EZH2: variants seen among roughly 807,000 people sequenced by gnomAD.
The protein encoded by EZH2 is enhancer of zeste 2 polycomb repressive complex 2 subunit.
In EZH2, 18 loss-of-function variants were observed where a neutral mutation model predicts 98.4. That is an observed-to-expected ratio of 0.18 (90% CI 0.13 to 0.27). The LOEUF is 0.27. Among genes scored for constraint, EZH2 ranks in the 10% least tolerant of loss-of-function variants. EZH2 has a pLI of 1.00. For missense variants in EZH2, 470 were observed against 935.1 expected (o/e 0.50, Z 6.49); for synonymous variants, 338 against 312.3 (o/e 1.08, Z -0.87).
chr7:148,838,063 CTTTTT>C (rs35838307), intron 3 of EZH2, among the ~76,000 whole-genome samples: 1 of 100,512 alleles, frequency 9.9e-6, no homozygotes, highest in Non-Finnish European at 1.9e-5. Context: ...GTTTAGACTC[CTTTTT>C]TTTTTTTTTT....
intron 3 of EZH2, among the ~76,000 whole-genome samples, chr7:148,845,559 G>C (rs935494953): frequency 1.3e-5 from 2 of 152,160 alleles, no homozygotes; most frequent in Admixed American, 1.3e-4. Flanking sequence ...AGTCTTTGAA[G>C]CTCATATGTC....
intron 1 of EZH2, among the ~76,000 whole-genome samples, chr7:148,853,499 GAATCT>G (rs1199232108): frequency 6.6e-6 from 1 of 152,186 alleles, no homozygotes; most frequent in Non-Finnish European, 1.5e-5. Context: ...GCTTCCGTGA[GAATCT>G]AATGCTGCTG....
At chr7:148,829,398 G>A (rs1808673258) in intron 5 of EZH2, among the ~76,000 whole-genome samples, 1 of 152,146 alleles carries the variant, frequency 6.6e-6, no homozygotes, top group African/African-American at 2.4e-5. Flanking sequence ...CACAGAAGCA[G>A]AGCCCCAATC....
intron 15 of EZH2, among the ~76,000 whole-genome samples, chr7:148,812,209 C>G (rs1052541058): frequency 1.3e-5 from 2 of 152,138 alleles, no homozygotes; most frequent in African/African-American, 4.8e-5. Context: ...TTGGTTCCCT[C>G]TGAAGCCCAT....
chr7:148,871,276 A>C (rs1819337032), intron 1 of EZH2, among the ~76,000 whole-genome samples: 1 of 152,070 alleles, frequency 6.6e-6, no homozygotes, highest in African/African-American at 2.4e-5. Context: ...ATTATGGAAA[A>C]CAGTACTGAG....
At chr7:148,866,519 T>TATATACATATATATAC (rs1563063099) in intron 1 of EZH2, among the ~76,000 whole-genome samples, 48 of 70,540 alleles carry the variant, frequency 6.8e-4, no homozygotes, top group African/African-American at 1.6e-3. Flanking sequence ...CATATATATG[T>TATATACATATATATAC]GTATATACAT....
At chr7:148,869,655 A>G (rs1299615268) in intron 1 of EZH2, among the ~76,000 whole-genome samples, 6 of 152,220 alleles carry the variant, frequency 3.9e-5, no homozygotes, top group Admixed American at 3.9e-4. Context: ...CCCATTCTTC[A>G]AGGGCCCACT....
chr7:148,846,885 T>A (rs866813595), intron 2 of EZH2, among the ~76,000 whole-genome samples: 1 of 133,596 alleles, frequency 7.5e-6, no homozygotes, highest in Non-Finnish European at 1.6e-5. Context: ...TGTGTGTGTA[T>A]TTTTTTTTTT....
At position 148,868,704 on chromosome 7, in the gene EZH2, CT is replaced by C. The variant is rs201834335; in HGVS notation, c.-8+15459del. 2.6e-5 allele frequency among the ~76,000 whole-genome samples: 4 copies of C among 151,472 alleles called. No individual in the cohort carries two copies. In the East Asian group the frequency reaches 5.8e-4, roughly 22 times the overall value. On this transcript the variant is annotated intron_variant, in intron 1 of 19. Coordinates refer to ENST00000320356, the MANE Select transcript of EZH2 (RefSeq NM_004456.5). ...TAGCCTCTAGGGTAGAAAAACATGA[CT>C]TTTTTTTTGGTAGTCTAGATTTAAA...
chr7:148,856,010 C>CT (rs750028644), intron 1 of EZH2, among the ~76,000 whole-genome samples: 1 of 150,050 alleles, frequency 6.7e-6, no homozygotes, highest in African/African-American at 2.4e-5. Flanking sequence ...AATATAAAGA[C>CT]TTTTTTTAAA....
At chr7:148,822,346 C>T (rs1406097492) in intron 8 of EZH2, among the ~76,000 whole-genome samples, 2 of 151,582 alleles carry the variant, frequency 1.3e-5, no homozygotes, top group African/African-American at 4.9e-5. Flanking sequence ...CACATCTCTA[C>T]TAAAAATAGA....
intron 8 of EZH2, among the ~76,000 whole-genome samples, chr7:148,820,369 A>C (rs561199492): frequency 2.6e-5 from 4 of 152,204 alleles, no homozygotes; most frequent in Non-Finnish European, 5.9e-5. Flanking sequence ...AGCAGTGCTA[A>C]CTTCACAGAA....
At chr7:148,818,820 T>G (rs1805264886) in intron 9 of EZH2, among the ~76,000 whole-genome samples, 2 of 152,122 alleles carry the variant, frequency 1.3e-5, no homozygotes, top group African/African-American at 4.8e-5. Context: ...CAGAAACATT[T>G]TAGATGAGCC....
chr7:148,846,341 TA>T, intron 3 of EZH2, 128 bp downstream of exon 3: 1 of 952,842 alleles, frequency 1.0e-6, no homozygotes, highest in Non-Finnish European at 1.5e-6. Flanking sequence ...AGTTGCACAT[TA>T]AAAAGAAATA....
intron 8 of EZH2, among the ~76,000 whole-genome samples, chr7:148,824,252 T>C (rs1330150523): frequency 6.6e-6 from 1 of 150,638 alleles, no homozygotes; most frequent in East Asian, 1.9e-4. Context: ...CAGGCGGAGG[T>C]TGCAGCGAGC....
At chr7:148,845,163 C>A (rs1348385605) in intron 3 of EZH2, among the ~76,000 whole-genome samples, 1 of 152,154 alleles carries the variant, frequency 6.6e-6, no homozygotes, top group East Asian at 1.9e-4. Context: ...CTCCAAATTT[C>A]TAAGATTTAT....
intron 1 of EZH2, among the ~76,000 whole-genome samples, chr7:148,881,336 T>G (rs894242666): frequency 2.0e-5 from 3 of 152,212 alleles, no homozygotes; most frequent in African/African-American, 7.2e-5. Flanking sequence ...AAAATTCCAG[T>G]ATGACTTGGA....
chr7:148,863,437 C>T (rs1022316880), intron 1 of EZH2, among the ~76,000 whole-genome samples: 6 of 152,040 alleles, frequency 3.9e-5, no homozygotes, highest in African/African-American at 1.4e-4. Context: ...AGACTAATAT[C>T]TACTAAAATT....
rs767457093 is a variant in EZH2 at position 148,847,185 on chromosome 7, T to C, written c.114A>G (p.Val38=). Residue 38 remains valine, a synonymous_variant, in exon 2 of 20, where the codon GTA becomes GTG. Coordinates refer to ENST00000320356, the MANE Select transcript of EZH2 (RefSeq NM_004456.5). ...QLKRFRRADE[V]KSMFSSNRQK... ...TTCACAAAAGATAAAATTATACCTT[T>C]ACTTCATCAGCTCGTCTGAACCTCT... 2.5e-6 allele frequency: 4 copies of C among 1,608,036 alleles called. No individual in the cohort carries two copies. The highest frequency in any genetic ancestry group is 2.5e-6 in the Non-Finnish European group (3 of 1,178,396).
Sources: gnomAD v4.1 joint callset for allele counts (sites outside exome capture counted in the v4.1 genomes callset) on GRCh38, gnomAD v4.1.1 for gene constraint, MANE v1.5 for transcripts, NCBI Gene and HGNC (gene_info 2026-07-23, HGNC 2026-07-21) for gene names.